Variants in ARHGEF25 observed in about 807,000 individuals in gnomAD.
The protein encoded by ARHGEF25 is Rho guanine nucleotide exchange factor 25, also known as RAC/CDC42 exchange factor.
ARHGEF25 carries 42 observed loss-of-function variants against 74.0 expected under a neutral mutation model. The ratio of observed to expected loss-of-function variants is 0.57; its 90% CI spans 0.44 to 0.73. The LOEUF is 0.73. Among genes scored for constraint, ARHGEF25 ranks in the 30% least tolerant of loss-of-function variants. The pLI is 0.00. For synonymous variants in ARHGEF25, 293 were observed against 278.6 expected (o/e 1.05, Z -0.51); for missense variants, 645 against 725.5 (o/e 0.89, Z 1.27).
At chr12:57,612,780 C>T (rs1420218977) in intron 1 of ARHGEF25, 150 bp from the exon 2 acceptor site, 2 of 1,487,612 alleles carry the variant, frequency 1.3e-6, no homozygotes, top group African/African-American at 2.8e-5. Flanking sequence ...AATTTTCTAT[C>T]CTGGCCAACT....
rs748539299 is a variant in ARHGEF25 at position 57,615,520 on chromosome 12, G to T, written c.1047G>T (p.Leu349=). 2 of 1,614,154 alleles carry T rather than the reference G, an allele frequency of 1.2e-6. No individual in the cohort carries two copies. The highest frequency in any genetic ancestry group is 8.5e-7 in the Non-Finnish European group (1 of 1,180,028). Residue 349 remains leucine (L), a synonymous_variant, in exon 12 of 15, where the codon CTG becomes CTT. Coordinates refer to ENST00000286494, the MANE Select transcript of ARHGEF25 (RefSeq NM_182947.4). ...TATCCTTTTGGTTTCAGGGCAAACT[G>T]ACTGCTCAGGGGAAGCTCTTGGGCC... ...LGRLRGFEGK[L]TAQGKLLGQD... is the part of the protein sequence containing the mutation.
rs1884170998 is a variant in ARHGEF25 at position 57,614,001 on chromosome 12, T to C, written c.553-15T>C. On this transcript the variant is annotated splice_polypyrimidine_tract_variant and intron_variant, in intron 5 of 14. Transcript: ENST00000286494. This position sits in a 1 kb window ranked among gnomAD's most constrained non-coding sequence, Gnocchi z 4.6. Reference sequence around the variant, plus strand: ...GCCACCACATGCTCATGACCCAACCTCAACTTTCCCACAGGGTTATATGGC... The same window carrying C: ...GCCACCACATGCTCATGACCCAACCCCAACTTTCCCACAGGGTTATATGGC... 2 of 1,613,366 alleles carry C rather than the reference T, an allele frequency of 1.2e-6. No individual in the cohort carries two copies. The highest frequency in any genetic ancestry group is 2.2e-5 in the South Asian group (2 of 91,056).
intron 13 of ARHGEF25, 62 bp downstream of exon 13, chr12:57,616,079 C>A: frequency 1.3e-6 from 2 of 1,563,490 alleles, no homozygotes; most frequent in South Asian, 1.2e-5. Context: ...CTGAATCCCT[C>A]ACTGCCCAGT....
chr12:57,610,669 G>A (rs929552263), upstream of ARHGEF25: 1 of 1,608,978 alleles, frequency 6.2e-7, no homozygotes, highest in Non-Finnish European at 8.5e-7. Flanking sequence ...GGTCCTCGCC[G>A]GGGCTCTGCA....
intron 1 of ARHGEF25, chr12:57,612,303 G>T (rs1017650100): frequency 1.1e-5 from 2 of 179,304 alleles, no homozygotes; most frequent in Non-Finnish European, 2.3e-5. Context: ...ATCTACTTCT[G>T]AAGAGGGACA....
rs1884319973 is a variant in ARHGEF25, at chr12:57,616,868, G to T, written c.1717G>T (p.Ala573Ser). The change falls in exon 15 of 15, where the codon GCC (alanine) becomes TCC (serine). Residue 573 changes from alanine to serine, a missense_variant. This residue lies in a region of ARHGEF25 where 262 missense variants were observed against 256.9 expected (regional missense o/e 1.02). Coordinates refer to ENST00000286494, the MANE Select transcript of ARHGEF25 (RefSeq NM_182947.4). Reference sequence around the variant, plus strand: ...AACCCCTCCCTGCCAAGCCAGACTTGCCAAGCTGGATGAAGATGAGCTGTA... The same window carrying T: ...AACCCCTCCCTGCCAAGCCAGACTTTCCAAGCTGGATGAAGATGAGCTGTA... Reference protein sequence around the residue: ...PKTPPCQARLAKLDEDEL With the variant: ...PKTPPCQARLSKLDEDEL The T allele has an allele frequency of 3.1e-6, 5 of 1,613,940 alleles. No individual in the cohort carries two copies. The East Asian group carries it at 1.1e-4, about 36-fold the overall frequency.
In ARHGEF25 at chr12:57,616,934, A is replaced by G. The variant is rs377683670; in HGVS notation, c.*40A>G. ...GGGGGTGGTGCTGACTCAGCCGCCTATTCCCCAAGGAGCTTCAGGGCAGTC... is the reference window on the plus strand; with the variant it reads ...GGGGGTGGTGCTGACTCAGCCGCCTGTTCCCCAAGGAGCTTCAGGGCAGTC... On this transcript the variant is annotated 3_prime_UTR_variant, in exon 15 of 15. Transcript: ENST00000286494. The G allele has an allele frequency of 1.8e-3, 2,694 of 1,507,204 alleles. 6 individuals carry two copies. The highest frequency in any genetic ancestry group is 2.2e-3 in the Non-Finnish European group (2,413 of 1,085,536). 93.4% of individuals were successfully genotyped at this position (1,507,204 alleles called of 1,614,324 possible).
At position 57,611,878 on chromosome 12, in the gene ARHGEF25, G is replaced by A. The variant is rs748246527; in HGVS notation, c.-17G>A. The A allele has an allele frequency of 7.5e-6, 9 of 1,205,740 alleles. No individual in the cohort carries two copies. Among genetic ancestry groups the A allele is most frequent in the Non-Finnish European group, 8.5e-6 (8 of 945,376 alleles). The allele number at this position is 1,205,740 out of a possible 1,614,324, so 74.7% of individuals were successfully genotyped here. A position where few individuals can be genotyped will look rare whatever the true frequency, so the allele number is the denominator to read the frequency against. ...CATGGCCGGCCCGGGTGGGGGGCGCGGGGGGGCCCGGGCGCCATGCGGGGG... is the reference window on the plus strand; with the variant it reads ...CATGGCCGGCCCGGGTGGGGGGCGCAGGGGGGCCCGGGCGCCATGCGGGGG... On this transcript the variant is annotated 5_prime_UTR_variant, in exon 1 of 15. Transcript: ENST00000286494. This position sits in a 1 kb window ranked among gnomAD's most constrained non-coding sequence, Gnocchi z 4.5.
rs1884117855 is a variant in ARHGEF25, at chr12:57,613,005, CCAGCTCTGGCCT to C, written c.185_196del (p.Leu62_Gly65del). The C allele has an allele frequency of 6.2e-7, 1 of 1,614,038 alleles. No individual in the cohort carries two copies. The highest frequency in any genetic ancestry group is 1.7e-5 in the Admixed American group (1 of 60,004). ...TCCGGTCTGGCTGCCCCCTCTGGCC[CCAGCTCTGGCCT>C]CAGCTCTGGCCCCTGTTCCCCAGGC... On this transcript the variant is annotated inframe_deletion, in exon 2 of 15. Transcript: ENST00000286494.
At position 57,614,572 on chromosome 12, in the gene ARHGEF25, T is replaced by G; in HGVS notation, c.783T>G (p.His261Gln). Residue 261 changes from histidine to glutamine, a missense_variant, in exon 8 of 15, where the codon CAT becomes CAG. Physicochemically the swap from His to Gln is conservative, Grantham distance 24 (BLOSUM62 0). Transcript: ENST00000286494. The surrounding 1 kb of genome is among the most constrained non-coding windows in gnomAD (Gnocchi z 4.6). Reference sequence around the variant, plus strand: ...GTCAGAATAAGCCCAAGTCAGAGCATGTGGTGTCAGAGTTTGGGGACAGCT... The same window carrying G: ...GTCAGAATAAGCCCAAGTCAGAGCAGGTGGTGTCAGAGTTTGGGGACAGCT... ...VYCQNKPKSE[H>Q]VVSEFGDSYF... is the part of the protein sequence containing the mutation. 1 of 1,613,932 alleles carries G rather than the reference T, an allele frequency of 6.2e-7. No homozygotes were observed. Among genetic ancestry groups the G allele is most frequent in the Non-Finnish European group, 8.5e-7 (1 of 1,179,988 alleles).
chr12:57,611,421 C>G, upstream of ARHGEF25: 1 of 985,160 alleles, frequency 1.0e-6, no homozygotes, highest in Non-Finnish European at 1.2e-6. The surrounding 1 kb of genome is among the most constrained non-coding windows in gnomAD (Gnocchi z 4.5). Flanking sequence ...GGCGGCCCCG[C>G]GGCCAGGCCT....
At position 57,616,342 on chromosome 12, in the gene ARHGEF25, G is replaced by A. The variant is rs745474842; in HGVS notation, c.1479G>A (p.Arg493=). The change falls in exon 14 of 15, where the codon CGG becomes CGA. Residue 493 remains arginine (R), a synonymous_variant. Coordinates refer to ENST00000286494, the MANE Select transcript of ARHGEF25 (RefSeq NM_182947.4). ...RRESQTNSLG[R]PRGPGVGSPG... ...AGAGCCAGACCAACAGCCTGGGGCGGCCAAGAGGGCCTGGAGTGGGGAGCC... is the reference window on the plus strand; with the variant it reads ...AGAGCCAGACCAACAGCCTGGGGCGACCAAGAGGGCCTGGAGTGGGGAGCC... The A allele has an allele frequency of 6.2e-7, 1 of 1,613,924 alleles. No homozygotes were observed. Among genetic ancestry groups the A allele is most frequent in the South Asian group, 1.1e-5 (1 of 91,076 alleles).
At position 57,615,901 on chromosome 12, in the gene ARHGEF25, G is replaced by T. The variant is rs1269216994; in HGVS notation, c.1304G>T (p.Arg435Ile). ...CCTTGCCGCTTTGCACTGACCTCCA[G>T]AGGGCCAGAGGGTGGGATCCAGCGC... Reference protein sequence around the residue: ...GDPCRFALTSRGPEGGIQRYV... With the variant: ...GDPCRFALTSIGPEGGIQRYV... The change falls in exon 13 of 15, where the codon AGA becomes ATA. Residue 435 changes from arginine (R) to isoleucine (I), a missense_variant. Arg to Ile is a moderately conservative substitution (Grantham distance 97). Transcript: ENST00000286494. The T allele has an allele frequency of 5.6e-6, 9 of 1,614,070 alleles. No homozygotes were observed. The highest frequency in any genetic ancestry group is 7.6e-6 in the Non-Finnish European group (9 of 1,180,030).
Position 57,616,326 on chromosome 12 carries a change from C to A in ARHGEF25, c.1463C>A (p.Thr488Asn). ...GAGTACCAGAGACGGGAGAGCCAGACCAACAGCCTGGGGCGGCCAAGAGGG... is the reference window on the plus strand; with the variant it reads ...GAGTACCAGAGACGGGAGAGCCAGAACAACAGCCTGGGGCGGCCAAGAGGG... ...PIEYQRRESQ[T>N]NSLGRPRGPG... is the part of the protein sequence containing the mutation. The change falls in exon 14 of 15, where the codon ACC (threonine) becomes AAC (asparagine). Residue 488 changes from threonine (T) to asparagine (N), a missense_variant. Transcript: ENST00000286494. 6.2e-7 allele frequency: 1 copy of A among 1,613,728 alleles called. No homozygotes were observed. Among genetic ancestry groups the A allele is most frequent in the Non-Finnish European group, 8.5e-7 (1 of 1,179,960 alleles).
In ARHGEF25 at chr12:57,615,871, G is replaced by T; in HGVS notation, c.1274G>T (p.Gly425Val). ...SCLGLEGNLQ[G>V]DPCRFALTSR... is the part of the protein sequence containing the mutation. ...CTGGGACTGGAGGGGAACCTCCAAG[G>T]TGACCCTTGCCGCTTTGCACTGACC... is the stretch of plus-strand genomic sequence containing the variant. Residue 425 changes from glycine (G) to valine (V), a missense_variant, in exon 13 of 15, where the codon GGT becomes GTT. Gly to Val is a moderately radical substitution (Grantham distance 109). Around this residue, in one of 3 missense-constraint regions of ARHGEF25, gnomAD observed 262 missense variants for 256.9 expected, o/e 1.02. Coordinates refer to ENST00000286494, the MANE Select transcript of ARHGEF25 (RefSeq NM_182947.4). 1.2e-6 allele frequency: 2 copies of T among 1,614,086 alleles called. No homozygotes were observed. The highest frequency in any genetic ancestry group is 1.7e-6 in the Non-Finnish European group (2 of 1,179,986).
At chr12:57,613,788 C>T (rs779858439) in intron 5 of ARHGEF25, 28 bp downstream of exon 5, 2 of 1,611,112 alleles carry the variant, frequency 1.2e-6, no homozygotes, top group Non-Finnish European at 1.7e-6. Context: ...TTCCCAGCCC[C>T]TCCTGCCTGC....
upstream of ARHGEF25, chr12:57,611,430 C>G: frequency 1.0e-6 from 1 of 985,354 alleles, no homozygotes; most frequent in Non-Finnish European, 1.2e-6. This position sits in a 1 kb window ranked among gnomAD's most constrained non-coding sequence, Gnocchi z 4.5. Context: ...GCGGCCAGGC[C>G]TGTTATTCAG....
Position 57,613,400 on chromosome 12 carries a change from G to A in ARHGEF25, c.409-40G>A, listed in dbSNP as rs186523042. The A allele has an allele frequency of 1.0e-4, 165 of 1,614,090 alleles. 1 individual carries two copies. Among genetic ancestry groups the A allele is most frequent in the Admixed American group, 2.2e-4 (13 of 60,018 alleles). ...CTGGGGAGGCTCCTTTCACTCAAGG[G>A]GCATTCGTTTGCTCACCCTAGGATG... On this transcript the variant is annotated intron_variant, in intron 3 of 14. Transcript: ENST00000286494.
At chr12:57,610,701 G>A, upstream of ARHGEF25, 3 of 1,602,370 alleles carry the variant, frequency 1.9e-6, no homozygotes, top group East Asian at 4.5e-5. Context: ...AGCTGGGGGT[G>A]GGGTGGGGCA....
Sources: gnomAD v4.1 joint callset for allele counts on GRCh38, gnomAD v4.1.1 for gene constraint, gnomAD v4.1.1 regional missense constraint, Gnocchi (gnomAD v3.1) non-coding constraint, MANE v1.5 for transcripts, NCBI Gene and HGNC (gene_info 2026-07-23, HGNC 2026-07-21) for gene names.